The following ABCC1 variants were observed in gnomAD, a reference collection of about 807,000 sequenced individuals.
The protein encoded by ABCC1 is multidrug resistance-associated protein 1.
In ABCC1, 83 loss-of-function variants were observed where a neutral mutation model predicts 172.9. The ratio of observed to expected loss-of-function variants is 0.48; its 90% confidence interval spans 0.40 to 0.58. The LOEUF is 0.58. ABCC1 is among the 20% of genes least tolerant of loss of function. The probability of loss-of-function intolerance (pLI) is 0.00; values close to 1 mark genes in which losing one functional copy is unlikely to be tolerated. For missense variants in ABCC1, 1,817 were observed against 2,002.7 expected (o/e 0.91, Z 1.77); for synonymous variants, 937 against 825.2 (o/e 1.14, Z -2.32).
chr16:16,016,463 G>T, intron 4 of ABCC1, 33 bp from the exon 5 acceptor site: 2 of 1,612,848 alleles, frequency 1.2e-6, no homozygotes, highest in Non-Finnish European at 1.7e-6. Flanking sequence ...CCCAGAATGT[G>T]ATCTTTTTCT....
rs567424549 is a variant in ABCC1, at chr16:16,006,447, A to G, written c.49-1369A>G. 5.9e-5 allele frequency among the ~76,000 whole-genome samples: 9 copies of G among 152,260 alleles called. No homozygotes were observed. The East Asian group carries it at 1.7e-3, about 29-fold the overall frequency. Reference sequence around the variant, plus strand: ...AAAGAAAAAAAAAAGAAAAATTTAAATTCTTCATTACAGAACAGCTGATGG... The same window carrying G: ...AAAGAAAAAAAAAAGAAAAATTTAAGTTCTTCATTACAGAACAGCTGATGG... On this transcript the variant is annotated intron_variant, in intron 1 of 30. Coordinates refer to ENST00000399410, the MANE Select transcript of ABCC1 (RefSeq NM_004996.4).
intron 2 of ABCC1, among the ~76,000 whole-genome samples, chr16:16,008,942 T>G (rs1397964049): frequency 2.1e-4 from 27 of 129,370 alleles, no homozygotes; most frequent in Admixed American, 1.7e-3. Flanking sequence ...TTTTTTTTTT[T>G]TTTGTTGTTG....
intron 6 of ABCC1, among the ~76,000 whole-genome samples, chr16:16,035,200 G>A (rs1311810898): frequency 1.3e-5 from 2 of 152,052 alleles, no homozygotes; most frequent in East Asian, 1.9e-4. Flanking sequence ...TCAGGAGTTC[G>A]AGACCAGCCT....
chr16:16,134,007 G>T (rs1309090257), intron 27 of ABCC1, among the ~76,000 whole-genome samples: 1 of 152,148 alleles, frequency 6.6e-6, no homozygotes, highest in African/African-American at 2.4e-5. Flanking sequence ...GGGGAAATGA[G>T]GAAATGCCTG....
intron 12 of ABCC1, among the ~76,000 whole-genome samples, chr16:16,065,675 C>G (rs910574571): frequency 6.6e-6 from 1 of 152,168 alleles, no homozygotes; most frequent in Non-Finnish European, 1.5e-5. Context: ...TCAGGAGATC[C>G]ACCTGCCTTG....
chr16:16,137,528 A>C (rs2045960952), intron 29 of ABCC1, among the ~76,000 whole-genome samples: 1 of 129,748 alleles, frequency 7.7e-6, no homozygotes, highest in Non-Finnish European at 1.6e-5. Context: ...TGGATAAGGG[A>C]TGCATGGGTA....
Position 16,044,481 on chromosome 16 carries a change from G to C in ABCC1, c.841G>C (p.Asp281His). The change falls in exon 8 of 31, where the codon GAT (aspartate) becomes CAT (histidine). Residue 281 changes from aspartate (D) to histidine (H), a missense_variant. By Grantham distance (81) the Asp-to-His change is moderately conservative. Coordinates refer to ENST00000399410, the MANE Select transcript of ABCC1 (RefSeq NM_004996.4). ...GGTGAAGGTTGTGTACTCCTCCAAG[G>C]ATCCTGCCCAGCCGAAAGAGAGTTC... ...QPVKVVYSSK[D>H]PAQPKESSKV... The C allele has an allele frequency of 6.2e-7, 1 of 1,614,200 alleles. No individual in the cohort carries two copies. Among genetic ancestry groups the C allele is most frequent in the Non-Finnish European group, 8.5e-7 (1 of 1,180,028 alleles).
chr16:16,048,116 C>T, intron 9 of ABCC1, 26 bp from the exon 10 acceptor site: 1 of 1,613,164 alleles, frequency 6.2e-7, no homozygotes. Context: ...CACACTCACC[C>T]ACCTTCCCTC....
intron 2 of ABCC1, among the ~76,000 whole-genome samples, chr16:16,008,593 G>C (rs540868904): frequency 3.7e-4 from 56 of 151,710 alleles, no homozygotes; most frequent in African/African-American, 1.1e-3. Flanking sequence ...GGTGGCTCAC[G>C]CCTGTAATCC....
chr16:16,052,589 G>T, intron 10 of ABCC1, 135 bp from the exon 11 acceptor site: 1 of 722,586 alleles, frequency 1.4e-6, no homozygotes. Context: ...ACACCCTATT[G>T]TGGGGTAAAA....
At position 16,083,417 on chromosome 16, in the gene ABCC1, C is replaced by T. The variant is rs760898018; in HGVS notation, c.2167C>T (p.Arg723Ter). The T allele has an allele frequency of 6.8e-6, 11 of 1,613,742 alleles. No individual in the cohort carries two copies. The highest frequency in any genetic ancestry group is 1.3e-5 in the African/African-American group (1 of 74,912). ...GGCCTGGATTCAGAATGATTCTCTC[C>T]GAGAAAACATCCTTTTTGGATGTCA... ...QQAWIQNDSL[R>*]ENILFGCQLE... Residue 723 changes from arginine to a stop codon, truncating the protein, a stop_gained, in exon 17 of 31, where the codon CGA becomes TGA. Transcript: ENST00000399410. LOFTEE classifies it high-confidence loss of function.
chr16:16,107,394 G>T (rs1285977993), intron 21 of ABCC1, among the ~76,000 whole-genome samples: 2 of 152,050 alleles, frequency 1.3e-5, no homozygotes, highest in African/African-American at 4.8e-5. Flanking sequence ...GGTTCAAGCA[G>T]TTTTCCTGCC....
upstream of ABCC1, chr16:15,949,610 T>TAC (rs2045810257): frequency 4.3e-5 from 2 of 46,348 alleles, no homozygotes; most frequent in Non-Finnish European, 9.0e-5. Flanking sequence ...CCCGGCTCCC[T>TAC]GCGCCGCCGC....
chr16:16,068,480 GACT>G (rs1251614519), intron 13 of ABCC1, among the ~76,000 whole-genome samples, 178 bp downstream of exon 13: 1 of 152,190 alleles, frequency 6.6e-6, no homozygotes, highest in Non-Finnish European at 1.5e-5. Flanking sequence ...AAACACATTT[GACT>G]TCTTGACAGA....
At chr16:16,090,826 G>A (rs1249901986) in intron 19 of ABCC1, among the ~76,000 whole-genome samples, 2 of 152,194 alleles carry the variant, frequency 1.3e-5, no homozygotes, top group African/African-American at 4.8e-5. Flanking sequence ...CCAGGCTTCA[G>A]CTCAGCTGAC....
intron 12 of ABCC1, among the ~76,000 whole-genome samples, chr16:16,062,505 C>G (rs2049959162): frequency 6.6e-6 from 1 of 152,144 alleles, no homozygotes; most frequent in Non-Finnish European, 1.5e-5. Context: ...AAATACTGAG[C>G]CCGGCTACCG....
intron 23 of ABCC1, among the ~76,000 whole-genome samples, chr16:16,116,495 T>C (rs951879995): frequency 3.3e-5 from 5 of 152,194 alleles, no homozygotes; most frequent in Admixed American, 6.5e-5. Context: ...CAGTAATTTA[T>C]AATAATAAAA....
At chr16:15,965,120 G>A (rs936118935) in intron 1 of ABCC1, among the ~76,000 whole-genome samples, 4 of 152,112 alleles carry the variant, frequency 2.6e-5, no homozygotes, top group African/African-American at 9.7e-5. Context: ...CTTGCATACT[G>A]TCTCCTATGT....
chr16:15,963,056 A>C (rs759850825), intron 1 of ABCC1, among the ~76,000 whole-genome samples: 1 of 152,264 alleles, frequency 6.6e-6, no homozygotes, highest in African/African-American at 2.4e-5. Context: ...ATGGGGGTAC[A>C]GGCATTGGAT....
Sources: allele counts gnomAD v4.1 joint callset (sites outside exome capture counted in the v4.1 genomes callset), GRCh38; gene constraint gnomAD v4.1.1; transcripts MANE v1.5; gene names NCBI Gene and HGNC (gene_info 2026-07-23, HGNC 2026-07-21).